Variants in NLGN1 observed in about 807,000 individuals in gnomAD.
NLGN1 encodes the protein neuroligin 1, also known as neuroligin-1.
A neutral mutation model predicts 65.5 loss-of-function variants in NLGN1; 12 were observed. The observed-to-expected ratio is 0.18, with a 90% CI of 0.12 to 0.30. The LOEUF (loss-of-function observed/expected upper bound fraction) is 0.30, where lower values mean the gene tolerates loss of function less well. Among genes scored for constraint, NLGN1 ranks in the 10% least tolerant of loss-of-function variants. The pLI is 1.00. For synonymous variants in NLGN1, 350 were observed against 359.5 expected (o/e 0.97, Z 0.30); for missense variants, 750 against 1,007.1 (o/e 0.74, Z 3.46).
At chr3:173,964,862 C>T (rs1430785728) in intron 4 of NLGN1, among the ~76,000 whole-genome samples, 1 of 152,062 alleles carries the variant, frequency 6.6e-6, no homozygotes, top group Non-Finnish European at 1.5e-5. Flanking sequence ...GGTACGAGTA[C>T]ATGAGGATGG....
intron 4 of NLGN1, among the ~76,000 whole-genome samples, chr3:174,079,142 G>A (rs2152545876): frequency 6.6e-6 from 1 of 151,680 alleles, no homozygotes; most frequent in Non-Finnish European, 1.5e-5. Context: ...TTATGCATTT[G>A]ATAAAGGTCT....
intron 4 of NLGN1, among the ~76,000 whole-genome samples, chr3:174,122,981 A>G (rs1576990577): frequency 6.6e-6 from 1 of 152,056 alleles, no homozygotes; most frequent in South Asian, 2.1e-4. Context: ...CTTTTTTAAG[A>G]TAGCAAGCAT....
intron 4 of NLGN1, among the ~76,000 whole-genome samples, chr3:173,935,325 G>T (rs552335082): frequency 6.6e-6 from 1 of 152,090 alleles, no homozygotes; most frequent in East Asian, 1.9e-4. Flanking sequence ...ATGAAGTTTA[G>T]CGGCAGCTTA....
At chr3:173,781,511 T>A (rs532332831) in intron 3 of NLGN1, among the ~76,000 whole-genome samples, 1 of 152,362 alleles carries the variant, frequency 6.6e-6, no homozygotes, top group African/African-American at 2.4e-5. Context: ...TTTTGGCTTT[T>A]ATCGTACCCA....
chr3:173,874,967 G>T (rs1409403166), intron 4 of NLGN1, among the ~76,000 whole-genome samples: 1 of 152,160 alleles, frequency 6.6e-6, no homozygotes, highest in Non-Finnish European at 1.5e-5. Context: ...CTTAGGTGAA[G>T]ATGTGGGCTA....
chr3:173,883,802 A>G (rs1003103281), intron 4 of NLGN1, among the ~76,000 whole-genome samples: 6 of 149,858 alleles, frequency 4.0e-5, no homozygotes, highest in African/African-American at 9.7e-5. Flanking sequence ...GTTTTGATTA[A>G]AGGGAAACTT....
chr3:173,610,306 C>G (rs9875275), intron 3 of NLGN1, among the ~76,000 whole-genome samples: 125,368 of 151,886 alleles, frequency 0.83, 51,923 homozygotes, highest in Admixed American at 0.87. Flanking sequence ...AGAAGGGTTA[C>G]GGGAGAAGCA....
At chr3:173,925,690 A>G (rs1438663176) in intron 4 of NLGN1, among the ~76,000 whole-genome samples, 3 of 152,194 alleles carry the variant, frequency 2.0e-5, no homozygotes, top group Non-Finnish European at 4.4e-5. Context: ...AAGATTGGAT[A>G]TCTTTTCCCA....
intron 3 of NLGN1, among the ~76,000 whole-genome samples, chr3:173,790,346 T>C (rs1712419150): frequency 6.6e-6 from 1 of 152,118 alleles, no homozygotes; most frequent in Non-Finnish European, 1.5e-5. Flanking sequence ...TGGCTTCCCA[T>C]TTATTAGATA....
intron 4 of NLGN1, among the ~76,000 whole-genome samples, chr3:174,023,414 T>A (rs1560864349): frequency 6.6e-6 from 1 of 152,174 alleles, no homozygotes; most frequent in Non-Finnish European, 1.5e-5. Context: ...AACTCCCTTT[T>A]TTCAGGCCTC....
At chr3:174,231,776 G>A (rs1442798941) in intron 4 of NLGN1, among the ~76,000 whole-genome samples, 1 of 152,112 alleles carries the variant, frequency 6.6e-6, no homozygotes. Context: ...AGCCTAGCTG[G>A]TGTTGACACG....
At chr3:173,400,548 C>A (rs1577279643) in intron 1 of NLGN1, among the ~76,000 whole-genome samples, 1 of 152,304 alleles carries the variant, frequency 6.6e-6, no homozygotes, top group South Asian at 2.1e-4. Context: ...CCCTGCCCCT[C>A]TACCCCACCC....
chr3:174,031,557 A>T (rs1428519918), intron 4 of NLGN1, among the ~76,000 whole-genome samples: 1 of 152,196 alleles, frequency 6.6e-6, no homozygotes, highest in Non-Finnish European at 1.5e-5. Flanking sequence ...GATGTAAAAG[A>T]TTATAATGGC....
At position 173,445,504 on chromosome 3, in the gene NLGN1, A is replaced by G. The variant is rs114780216; in HGVS notation, c.-321+10426A>G. ...CTTGGAGAGGTTAGATAATTTGCCA[A>G]TGATCTCATAGCTAGTACATGGCTG... is the stretch of plus-strand genomic sequence containing the variant. On this transcript the variant is annotated intron_variant, in intron 2 of 6. Transcript: ENST00000457714. 3.7e-3 allele frequency among the ~76,000 whole-genome samples: 564 copies of G among 152,310 alleles called. 3 individuals are homozygous for G. The highest frequency in any genetic ancestry group is 0.013 in the African/African-American group (533 of 41,572).
intron 3 of NLGN1, among the ~76,000 whole-genome samples, chr3:173,677,825 A>T (rs1406714798): frequency 6.6e-6 from 1 of 152,156 alleles, no homozygotes; most frequent in African/African-American, 2.4e-5. Flanking sequence ...TTAGGTAGGT[A>T]CAGCAATCAA....
At chr3:173,508,477 C>T (rs1328636332) in intron 2 of NLGN1, among the ~76,000 whole-genome samples, 12 of 152,098 alleles carry the variant, frequency 7.9e-5, no homozygotes, top group African/African-American at 1.7e-4. Flanking sequence ...GTGTAATCTT[C>T]GCTATCCCTG....
chr3:173,611,447 G>A (rs770569848), intron 3 of NLGN1, among the ~76,000 whole-genome samples: 4 of 152,020 alleles, frequency 2.6e-5, no homozygotes, highest in Non-Finnish European at 4.4e-5. Context: ...ATGTTTATAT[G>A]GGATTTAAGA....
chr3:174,261,936 G>A (rs1561417280), intron 4 of NLGN1, among the ~76,000 whole-genome samples: 4 of 146,442 alleles, frequency 2.7e-5, no homozygotes. Context: ...CATCTATTGA[G>A]ATAATCATGT....
At chr3:174,208,608 T>C (rs2152786564) in intron 4 of NLGN1, among the ~76,000 whole-genome samples, 1 of 151,154 alleles carries the variant, frequency 6.6e-6, no homozygotes, top group African/African-American at 2.4e-5. Flanking sequence ...TCTGACAGCC[T>C]ACTTATATGT....
Sources: allele counts gnomAD v4.1 joint callset (sites outside exome capture counted in the v4.1 genomes callset), GRCh38; gene constraint gnomAD v4.1.1; transcripts MANE v1.5; gene names NCBI Gene and HGNC (gene_info 2026-07-23, HGNC 2026-07-21).